Variants in SAMD8 observed in about 807,000 individuals in gnomAD.
SAMD8 encodes sphingomyelin synthase-related protein 1.
In SAMD8, 20 loss-of-function variants were observed where a neutral mutation model predicts 42.0. The observed-to-expected ratio is 0.48, with a 90% CI of 0.34 to 0.69. SAMD8 has a LOEUF of 0.69. SAMD8 is among the 30% of genes least tolerant of loss of function. The probability of loss-of-function intolerance (pLI) is 0.01; values close to 1 mark genes in which losing one functional copy is unlikely to be tolerated. For missense variants in SAMD8, 328 were observed against 511.6 expected (o/e 0.64, Z 3.46); for synonymous variants, 162 against 173.0 (o/e 0.94, Z 0.50).
At chr10:75,130,461 G>A (rs370522149) in intron 1 of SAMD8, among the ~76,000 whole-genome samples, 4 of 152,032 alleles carry the variant, frequency 2.6e-5, no homozygotes, top group Non-Finnish European at 4.4e-5. Context: ...AGCCGAGATC[G>A]TACCATTGCA....
intron 1 of SAMD8, among the ~76,000 whole-genome samples, chr10:75,149,149 G>A (rs1840220700): frequency 6.6e-6 from 1 of 151,816 alleles, no homozygotes; most frequent in East Asian, 1.9e-4. Flanking sequence ...AAAACCTACA[G>A]GCTTTAATAG....
At chr10:75,109,730 T>C (rs1439003482), upstream of SAMD8, among the ~76,000 whole-genome samples, 5 of 152,226 alleles carry the variant, frequency 3.3e-5, no homozygotes, top group East Asian at 3.9e-4. Context: ...TTCTGAGTTG[T>C]AGAGTCAGAG....
intron 2 of SAMD8, among the ~76,000 whole-genome samples, chr10:75,151,811 T>C (rs947283655): frequency 6.6e-6 from 1 of 152,162 alleles, no homozygotes; most frequent in Non-Finnish European, 1.5e-5. Context: ...CTCAGCCTCC[T>C]GAGTAGCTGG....
chr10:75,144,273 A>AT (rs1254867485), intron 1 of SAMD8, among the ~76,000 whole-genome samples: 5 of 152,072 alleles, frequency 3.3e-5, no homozygotes, highest in Non-Finnish European at 5.9e-5. Flanking sequence ...GGCTGAAATG[A>AT]TTTTTTTATA....
chr10:75,128,365 A>C (rs1230456235), intron 1 of SAMD8, among the ~76,000 whole-genome samples: 1 of 151,332 alleles, frequency 6.6e-6, no homozygotes, highest in Non-Finnish European at 1.5e-5. Flanking sequence ...GAGCCACCGC[A>C]CCCGCCCTTC....
chr10:75,108,404 T>C (rs1208819997), upstream of SAMD8: 2 of 1,012,608 alleles, frequency 2.0e-6, no homozygotes, highest in Non-Finnish European at 1.4e-6. Context: ...GAGCCGGCGG[T>C]GTGTGTGTCG....
chr10:75,146,952 T>A (rs985533508), intron 1 of SAMD8, among the ~76,000 whole-genome samples: 6 of 152,144 alleles, frequency 3.9e-5, no homozygotes, highest in Non-Finnish European at 7.3e-5. Flanking sequence ...AGCATACAAT[T>A]AAAGGGCATG....
intron 1 of SAMD8, among the ~76,000 whole-genome samples, chr10:75,124,925 A>G (rs756059932): frequency 6.6e-6 from 1 of 151,654 alleles, no homozygotes; most frequent in Non-Finnish European, 1.5e-5. Flanking sequence ...CAGCACAGCC[A>G]GCTAATTTTT....
At chr10:75,160,487 T>A (rs1417934036) in intron 2 of SAMD8, among the ~76,000 whole-genome samples, 2 of 152,202 alleles carry the variant, frequency 1.3e-5, no homozygotes, top group East Asian at 3.9e-4. Flanking sequence ...ATTACAGGCG[T>A]GAGCCACCAT....
At chr10:75,156,837 A>G (rs1472046129) in intron 2 of SAMD8, among the ~76,000 whole-genome samples, 1 of 152,144 alleles carries the variant, frequency 6.6e-6, no homozygotes, top group Non-Finnish European at 1.5e-5. Flanking sequence ...CTATATCAAG[A>G]AAACAAAAAT....
chr10:75,128,182 C>G (rs1334979704), intron 1 of SAMD8, among the ~76,000 whole-genome samples: 2 of 150,330 alleles, frequency 1.3e-5, no homozygotes, highest in Admixed American at 6.7e-5. Flanking sequence ...AAGCAATTCT[C>G]CTACCTCAGC....
At chr10:75,111,829 TG>T in intron 1 of SAMD8, 107 bp downstream of exon 1, 1 of 1,209,370 alleles carries the variant, frequency 8.3e-7, no homozygotes, top group Non-Finnish European at 1.0e-6. Flanking sequence ...GACCGCGACC[TG>T]GAGGGGCCCC....
chr10:75,146,272 C>CTTTTT (rs202162176), intron 1 of SAMD8, among the ~76,000 whole-genome samples: 1 of 68,124 alleles, frequency 1.5e-5, no homozygotes, highest in African/African-American at 6.9e-5. Context: ...TGTCTTGACA[C>CTTTTT]TTTTTTTTTT....
chr10:75,153,563 G>A (rs1411048383), intron 2 of SAMD8, among the ~76,000 whole-genome samples: 7 of 151,334 alleles, frequency 4.6e-5, no homozygotes, highest in Non-Finnish European at 8.8e-5. Context: ...GCAGTGAGCC[G>A]AGATCGCGCC....
At chr10:75,128,583 G>T (rs1849201538) in intron 1 of SAMD8, among the ~76,000 whole-genome samples, 1 of 152,120 alleles carries the variant, frequency 6.6e-6, no homozygotes, top group African/African-American at 2.4e-5. Flanking sequence ...ATATGGTATT[G>T]TTCCATTCAT....
At chr10:75,108,816 G>C (rs1305584491), upstream of SAMD8, among the ~76,000 whole-genome samples, 1 of 152,176 alleles carries the variant, frequency 6.6e-6, no homozygotes, top group Non-Finnish European at 1.5e-5. Context: ...CGAAGTCCCT[G>C]CTCTCCCTGG....
intron 2 of SAMD8, among the ~76,000 whole-genome samples, chr10:75,157,846 CCATGGACTGAT>C (rs1228522141): frequency 6.6e-6 from 1 of 151,910 alleles, no homozygotes; most frequent in Non-Finnish European, 1.5e-5. Flanking sequence ...TAATGAGGGA[CCATGGACTGAT>C]ATGGATGAGG....
intron 1 of SAMD8, chr10:75,105,821 G>A: frequency 6.4e-7 from 1 of 1,550,824 alleles, no homozygotes; most frequent in Non-Finnish European, 8.7e-7. Context: ...GCCAGGACCA[G>A]CGTGGCAGAG....
chr10:75,165,670 C>CAA (rs1307825539), intron 3 of SAMD8, among the ~76,000 whole-genome samples: 30 of 65,536 alleles, frequency 4.6e-4, no homozygotes, highest in African/African-American at 1.4e-3. Flanking sequence ...GACTCTGTCT[C>CAA]AAAAAAAAAA....
Sources: gnomAD v4.1 joint callset for allele counts (sites outside exome capture counted in the v4.1 genomes callset) on GRCh38, gnomAD v4.1.1 for gene constraint, MANE v1.5 for transcripts, NCBI Gene and HGNC (gene_info 2026-07-23, HGNC 2026-07-21) for gene names.